Variants in POLN observed in about 807,000 individuals in gnomAD.
POLN encodes the protein DNA polymerase nu.
POLN carries 108 observed loss-of-function variants against 113.5 expected under a neutral mutation model. The observed-to-expected ratio is 0.95, with a 90% CI of 0.81 to 1.12. The LOEUF (loss-of-function observed/expected upper bound fraction) is 1.12, where lower values mean the gene tolerates loss of function less well. Among genes scored for constraint, POLN ranks in the 50% most tolerant of loss-of-function variants. The pLI is 0.00. For missense variants in POLN, 1,097 were observed against 1,077.1 expected, an observed-to-expected ratio of 1.02 and a Z score of -0.26; for synonymous variants, 386 against 391.5, an observed-to-expected ratio of 0.99 and a Z score of 0.17.
At chr4:2,133,650 C>T (rs1211683884) in intron 16 of POLN, among the ~76,000 whole-genome samples, 4 of 152,188 alleles carry the variant, frequency 2.6e-5, no homozygotes, top group African/African-American at 9.7e-5. Flanking sequence ...TGGAAAACAA[C>T]TTTATTAACT....
intron 23 of POLN, chr4:2,080,213 C>T (rs1482504235): frequency 6.1e-6 from 6 of 987,370 alleles, no homozygotes; most frequent in Non-Finnish European, 7.2e-6. Flanking sequence ...CCACTTGCAG[C>T]ACCCCCAGGC....
chr4:2,081,696 G>C lies in POLN; in HGVS notation c.2245C>G (p.His749Asp). The C allele has an allele frequency of 6.2e-7, 1 of 1,614,136 alleles. No homozygotes were observed. Among genetic ancestry groups the C allele is most frequent in the South Asian group, 1.1e-5 (1 of 91,076 alleles). The change falls in exon 22 of 26, where the codon CAC becomes GAC. Residue 749 changes from histidine to aspartate, a missense_variant. Physicochemically the swap from His to Asp is moderately conservative, Grantham distance 81 (BLOSUM62 -1). Transcript: ENST00000511885. The part of the protein sequence containing the change: ...MGRRRPLPRI[H>D]AHDQQLRAQA... ...GCCCGGAGTTGCTGGTCATGAGCGT[G>C]AATCCTTGGCAGGGGTCTCCTTCTG... is the stretch of plus-strand genomic sequence containing the variant.
At chr4:2,201,544 C>T (rs931821401) in intron 5 of POLN, among the ~76,000 whole-genome samples, 4 of 151,854 alleles carry the variant, frequency 2.6e-5, no homozygotes, top group African/African-American at 9.7e-5. Context: ...CAAGAAGTCT[C>T]GGATTATGTT....
At chr4:2,188,738 G>A (rs1489715515) in intron 7 of POLN, among the ~76,000 whole-genome samples, 1 of 139,726 alleles carries the variant, frequency 7.2e-6, no homozygotes, top group Non-Finnish European at 1.5e-5. Context: ...CACTGAAATT[G>A]TGGTATGCAA....
chr4:2,171,611 A>C (rs1281633108), intron 11 of POLN, among the ~76,000 whole-genome samples: 2 of 152,042 alleles, frequency 1.3e-5, no homozygotes, highest in East Asian at 3.9e-4. Context: ...TAAAAGAGTA[A>C]TAAATAACCT....
At chr4:2,077,982 C>T (rs1370893017) in intron 23 of POLN, among the ~76,000 whole-genome samples, 1 of 152,238 alleles carries the variant, frequency 6.6e-6, no homozygotes, top group Admixed American at 6.5e-5. Flanking sequence ...CTGTGTTCTG[C>T]ATCTGGATGG....
chr4:2,221,186 G>A (rs947483705), intron 3 of POLN, among the ~76,000 whole-genome samples: 1 of 152,046 alleles, frequency 6.6e-6, no homozygotes, highest in African/African-American at 2.4e-5. Flanking sequence ...TACCCAGGCT[G>A]GAGTGCAGTG....
intron 23 of POLN, chr4:2,079,525 C>G (rs1730354278): frequency 2.0e-6 from 2 of 985,588 alleles, no homozygotes; most frequent in Middle Eastern, 5.2e-4. Flanking sequence ...TGTGTGTGCA[C>G]GTGTGTGTTG....
chr4:2,135,057 G>A (rs549597374), intron 16 of POLN, among the ~76,000 whole-genome samples: 15 of 152,236 alleles, frequency 9.9e-5, no homozygotes, highest in African/African-American at 3.1e-4. Context: ...AAATGAACTC[G>A]CACACAAATC....
At chr4:2,101,774 G>A (rs1019296977) in intron 19 of POLN, among the ~76,000 whole-genome samples, 1 of 152,208 alleles carries the variant, frequency 6.6e-6, no homozygotes, top group African/African-American at 2.4e-5. Flanking sequence ...CCCACAACTA[G>A]AACTGGGAAG....
At chr4:2,104,269 A>C (rs1577694393) in intron 19 of POLN, among the ~76,000 whole-genome samples, 1 of 152,256 alleles carries the variant, frequency 6.6e-6, no homozygotes, top group Non-Finnish European at 1.5e-5. Context: ...GTATGGATAG[A>C]CCATATCTTG....
intron 23 of POLN, chr4:2,079,694 C>T: frequency 1.2e-6 from 1 of 838,130 alleles, no homozygotes; most frequent in Non-Finnish European, 1.4e-6. Context: ...AAGCGATCCT[C>T]CTGCCTCAGC....
intron 2 of POLN, chr4:2,240,741 T>C: frequency 6.2e-7 from 1 of 1,614,046 alleles, no homozygotes; most frequent in Non-Finnish European, 8.5e-7. Context: ...TAGAATAGGC[T>C]TGCCTGATTT....
intron 7 of POLN, among the ~76,000 whole-genome samples, chr4:2,192,836 C>G (rs559192799): frequency 6.6e-6 from 1 of 150,516 alleles, no homozygotes; most frequent in African/African-American, 2.4e-5. Flanking sequence ...TATTTAAAAT[C>G]TTTACTATTT....
intron 19 of POLN, among the ~76,000 whole-genome samples, chr4:2,102,266 G>C (rs1730945036): frequency 6.6e-6 from 1 of 152,130 alleles, no homozygotes; most frequent in South Asian, 2.1e-4. Context: ...ACAGAGTGCA[G>C]GATCCACGGT....
chr4:2,085,186 C>G (rs1730518157), intron 21 of POLN, among the ~76,000 whole-genome samples: 1 of 152,168 alleles, frequency 6.6e-6, no homozygotes, highest in Admixed American at 6.5e-5. Context: ...CTCAGACATA[C>G]ATGTATGAAA....
intron 19 of POLN, among the ~76,000 whole-genome samples, chr4:2,114,477 A>G (rs1227263787): frequency 6.6e-6 from 1 of 152,136 alleles, no homozygotes; most frequent in East Asian, 1.9e-4. Context: ...CTTTTGCATT[A>G]ATTTTTGAAA....
At chr4:2,118,950 G>A (rs1731379391) in intron 19 of POLN, among the ~76,000 whole-genome samples, 1 of 152,186 alleles carries the variant, frequency 6.6e-6, no homozygotes, top group South Asian at 2.1e-4. Flanking sequence ...TCTTGCTTAG[G>A]AGTGACATGT....
chr4:2,078,471 TTC>T (rs1212739750), intron 23 of POLN: 42 of 725,600 alleles, frequency 5.8e-5, no homozygotes, highest in South Asian at 6.2e-5. Flanking sequence ...AATCTTCTTC[TTC>T]TTTTTTTTTT....
Sources: gnomAD v4.1 joint callset for allele counts (sites outside exome capture counted in the v4.1 genomes callset) on GRCh38, gnomAD v4.1.1 for gene constraint, MANE v1.5 for transcripts, NCBI Gene and HGNC (gene_info 2026-07-23, HGNC 2026-07-21) for gene names.